The following ABTB3 variants were observed in gnomAD, a reference collection of about 807,000 sequenced individuals.
The protein encoded by ABTB3 is ankyrin repeat- and BTB/POZ domain-containing protein 3.
chr12:107,625,770 G>A, the ABTB3 span, among the ~76,000 whole-genome samples: 1 of 151,964 alleles, frequency 6.6e-6, no homozygotes, highest in African/African-American at 2.4e-5. Flanking sequence ...TCAGGGGGTG[G>A]GGGCAATACT....
chr12:107,441,926 T>C, the ABTB3 span, among the ~76,000 whole-genome samples: 1 of 151,924 alleles, frequency 6.6e-6, no homozygotes. Context: ...GGTGACAGAG[T>C]TAGACCCTGT....
the ABTB3 span, among the ~76,000 whole-genome samples, chr12:107,566,631 T>C: frequency 6.9e-6 from 1 of 145,358 alleles, no homozygotes; most frequent in South Asian, 2.2e-4. Context: ...GATGTAGCTT[T>C]CATCATCTAA....
At chr12:107,509,796 G>A in the ABTB3 span, among the ~76,000 whole-genome samples, 8 of 152,230 alleles carry the variant, frequency 5.3e-5, no homozygotes, top group African/African-American at 1.9e-4. Context: ...TTCCAGGCTA[G>A]TGTACAAACA....
the ABTB3 span, among the ~76,000 whole-genome samples, chr12:107,342,577 C>T: frequency 6.6e-6 from 1 of 152,150 alleles, no homozygotes; most frequent in African/African-American, 2.4e-5. Flanking sequence ...CCCAGATCAG[C>T]CCTGCTCTGA....
chr12:107,639,769 G>A, the ABTB3 span, among the ~76,000 whole-genome samples: 1 of 152,238 alleles, frequency 6.6e-6, no homozygotes, highest in Admixed American at 6.5e-5. Flanking sequence ...GTGTGCCTCA[G>A]TTTCTTCAAC....
chr12:107,320,824 G>A, the ABTB3 span, among the ~76,000 whole-genome samples: 1 of 152,148 alleles, frequency 6.6e-6, no homozygotes, highest in South Asian at 2.1e-4. Flanking sequence ...CTTGGCTGAA[G>A]GAGCGCCTCT....
the ABTB3 span, among the ~76,000 whole-genome samples, chr12:107,399,970 T>C: frequency 2.6e-5 from 4 of 152,324 alleles, no homozygotes; most frequent in East Asian, 5.8e-4. Context: ...AGTATGCTGA[T>C]GATGATGGTT....
the ABTB3 span, among the ~76,000 whole-genome samples, chr12:107,431,310 A>T: frequency 2.6e-5 from 4 of 152,202 alleles, no homozygotes; most frequent in African/African-American, 9.6e-5. Context: ...CATAGTAGGT[A>T]CTTTAAAAAG....
chr12:107,618,383 G>C, the ABTB3 span: 1 of 1,607,708 alleles, frequency 6.2e-7, no homozygotes. Flanking sequence ...GCATAGGTCA[G>C]TCTGGGCACC....
At chr12:107,525,846 G>A in the ABTB3 span, among the ~76,000 whole-genome samples, 15 of 152,292 alleles carry the variant, frequency 9.8e-5, no homozygotes, top group East Asian at 2.9e-3. Flanking sequence ...CACCTACTGT[G>A]TACCAGCTGC....
At chr12:107,656,665 A>G in the ABTB3 span, among the ~76,000 whole-genome samples, 2 of 152,222 alleles carry the variant, frequency 1.3e-5, no homozygotes, top group Non-Finnish European at 1.5e-5. Context: ...ACTATCAAAT[A>G]TTATCAATGT....
the ABTB3 span, among the ~76,000 whole-genome samples, chr12:107,638,507 C>A: frequency 1.3e-5 from 2 of 152,138 alleles, no homozygotes; most frequent in African/African-American, 2.4e-5. Context: ...TCAGCACAGC[C>A]CCTGAACCCC....
At chr12:107,508,137 T>C in the ABTB3 span, among the ~76,000 whole-genome samples, 2 of 151,764 alleles carry the variant, frequency 1.3e-5, no homozygotes, top group Admixed American at 6.6e-5. Flanking sequence ...GATGAATAGA[T>C]AGATGAATGG....
chr12:107,473,140 G>A, the ABTB3 span, among the ~76,000 whole-genome samples: 1 of 152,050 alleles, frequency 6.6e-6, no homozygotes, highest in Non-Finnish European at 1.5e-5. Context: ...AACTTCTCTG[G>A]GGCAAGATTA....
the ABTB3 span, among the ~76,000 whole-genome samples, chr12:107,490,730 G>C: frequency 6.6e-6 from 1 of 152,170 alleles, no homozygotes; most frequent in Non-Finnish European, 1.5e-5. Context: ...TTGCTTCACA[G>C]AAGGAGTAAC....
chr12:107,339,861 T>C, the ABTB3 span, among the ~76,000 whole-genome samples: 4 of 152,334 alleles, frequency 2.6e-5, no homozygotes, highest in East Asian at 1.9e-4. Flanking sequence ...TTCTTATCTA[T>C]GGAGGCCCCA....
At chr12:107,353,332 C>T in the ABTB3 span, among the ~76,000 whole-genome samples, 14 of 152,186 alleles carry the variant, frequency 9.2e-5, no homozygotes, top group South Asian at 2.1e-4. Flanking sequence ...AATAAGTGGA[C>T]GGTTAACAAT....
the ABTB3 span, among the ~76,000 whole-genome samples, chr12:107,344,666 T>C: frequency 6.6e-6 from 1 of 152,174 alleles, no homozygotes; most frequent in Non-Finnish European, 1.5e-5. Context: ...GCTCATCACC[T>C]CCCACTGAGG....
the ABTB3 span, among the ~76,000 whole-genome samples, chr12:107,492,058 G>A: frequency 6.6e-6 from 1 of 152,080 alleles, no homozygotes; most frequent in Non-Finnish European, 1.5e-5. Context: ...TGGAGATCGT[G>A]TTGATTGGCT....
Sources: gnomAD v4.1 joint callset for allele counts (sites outside exome capture counted in the v4.1 genomes callset) on GRCh38, gnomAD v4.1.1 for gene constraint, MANE v1.5 for transcripts, NCBI Gene and HGNC (gene_info 2026-07-23, HGNC 2026-07-21) for gene names.